The following GTF3C1 variants were observed in gnomAD, a reference collection of about 807,000 sequenced individuals.
The protein encoded by GTF3C1 is general transcription factor 3C polypeptide 1.
In GTF3C1, 57 loss-of-function variants were observed where a neutral mutation model predicts 226.7. The ratio of observed to expected loss-of-function variants is 0.25; its 90% confidence interval spans 0.20 to 0.31. The LOEUF is 0.31. Ranked by LOEUF, GTF3C1 falls within the 10% of genes least tolerant of loss-of-function variation. The pLI, the probability that GTF3C1 is intolerant of heterozygous loss-of-function variation, is 1.00. For synonymous variants in GTF3C1, 1,090 were observed against 1,084.8 expected (o/e 1.00, Z -0.09); for missense variants, 2,217 against 2,776.1 (o/e 0.80, Z 4.53).
At chr16:27,538,377 C>T (rs748407730) in intron 2 of GTF3C1, 21 bp from the exon 3 acceptor site, 2 of 1,464,060 alleles carry the variant, frequency 1.4e-6, no homozygotes, top group Admixed American at 4.8e-5. Context: ...GAAACAATCG[C>T]ATGAAGAAAT....
intron 27 of GTF3C1, among the ~76,000 whole-genome samples, chr16:27,479,530 T>C (rs1170162976): frequency 6.6e-6 from 1 of 152,196 alleles, no homozygotes; most frequent in Non-Finnish European, 1.5e-5. Flanking sequence ...AAAGAAACTT[T>C]TCAGAAAACG....
In GTF3C1 at chr16:27,461,310, G is replaced by A. The variant is rs750722305; in HGVS notation, c.*40C>T. On this transcript the variant is annotated 3_prime_UTR_variant, in exon 37 of 37. Coordinates refer to ENST00000356183, the MANE Select transcript of GTF3C1 (RefSeq NM_001520.4). This position sits in a 1 kb window ranked among gnomAD's most constrained non-coding sequence, Gnocchi z 5.3. Reference sequence around the variant, plus strand: ...CCGAGCACCAGGCAGGAGTGGTGTGGCAGGCGGTGGCTGGGAGGGAGGGGA... The same window carrying A: ...CCGAGCACCAGGCAGGAGTGGTGTGACAGGCGGTGGCTGGGAGGGAGGGGA... 7.6e-7 allele frequency: 1 copy of A among 1,318,698 alleles called. No individual in the cohort carries two copies. The highest frequency in any genetic ancestry group is 1.1e-6 in the Non-Finnish European group (1 of 926,778). 81.7% of individuals were successfully genotyped at this position (1,318,698 alleles called of 1,614,324 possible).
At chr16:27,466,628 G>A (rs965616201) in intron 32 of GTF3C1, among the ~76,000 whole-genome samples, 1 of 152,226 alleles carries the variant, frequency 6.6e-6, no homozygotes, top group African/African-American at 2.4e-5. Context: ...ATCAGGCTCT[G>A]TGAAGAAAGC....
intron 4 of GTF3C1, among the ~76,000 whole-genome samples, chr16:27,535,574 T>TAA (rs200346693): frequency 3.4e-4 from 24 of 70,586 alleles, no homozygotes; most frequent in African/African-American, 3.2e-4. Context: ...GACTGTCAAA[T>TAA]AAAAAAAAAA....
In GTF3C1 at chr16:27,507,968, C is replaced by G. The variant is rs573546300; in HGVS notation, c.1242+572G>C. 7.2e-5 allele frequency among the ~76,000 whole-genome samples: 11 copies of G among 152,240 alleles called. No individual in the cohort carries two copies. Among genetic ancestry groups the G allele is most frequent in the Non-Finnish European group, 1.6e-4 (11 of 68,042 alleles). On this transcript the variant is annotated intron_variant, in intron 8 of 36. Transcript: ENST00000356183. This position sits in a 1 kb window ranked among gnomAD's most constrained non-coding sequence, Gnocchi z 4.9. ...GAGTGGCCAGCCCCAGCTGACTGTC[C>G]CCATGTGGGAGTAGGCTCCCGGGGT...
chr16:27,461,704 G>A lies in GTF3C1; in HGVS notation c.6118-142C>T. ...GGGCACCTGAACTGGGCATGAGGCA[G>A]ATGGGGATGTACCAGGAGGGTTCAG... On this transcript the variant is annotated intron_variant, in intron 36 of 36. Coordinates refer to ENST00000356183, the MANE Select transcript of GTF3C1 (RefSeq NM_001520.4). The surrounding 1 kb of genome is among the most constrained non-coding windows in gnomAD (Gnocchi z 5.3). 1.5e-6 allele frequency: 1 copy of A among 651,788 alleles called. No homozygotes were observed. Among genetic ancestry groups the A allele is most frequent in the Non-Finnish European group, 2.7e-6 (1 of 369,134 alleles). The allele number at this position is 651,788 out of a possible 1,614,324, so 40.4% of individuals were successfully genotyped here. A position where few individuals can be genotyped will look rare whatever the true frequency, so the allele number is the denominator to read the frequency against.
rs752352892 is a variant in GTF3C1 at position 27,492,637 on chromosome 16, T to G, written c.2953A>C (p.Lys985Gln). Residue 985 changes from lysine (K) to glutamine (Q), a missense_variant, in exon 18 of 37, where the codon AAG becomes CAG. Lys to Gln is a moderately conservative substitution (Grantham distance 53, BLOSUM62 1). Coordinates refer to ENST00000356183, the MANE Select transcript of GTF3C1 (RefSeq NM_001520.4). This position sits in a 1 kb window ranked among gnomAD's most constrained non-coding sequence, Gnocchi z 5.0. ...ATTACCTGATCTTTATCCTGAAACT[T>G]TTCCGTGGGACCAAACTGTAGCAGC... ...MGLLQFGPTEKFQDKDQVFIF... is the reference protein window; with the variant it reads ...MGLLQFGPTEQFQDKDQVFIF... 5 of 1,602,324 alleles carry G rather than the reference T, an allele frequency of 3.1e-6. No individual in the cohort carries two copies. The highest frequency in any genetic ancestry group is 4.3e-6 in the Non-Finnish European group (5 of 1,169,302).
chr16:27,484,126 C>T (rs998649481), intron 25 of GTF3C1, 85 bp downstream of exon 25: 2 of 1,009,614 alleles, frequency 2.0e-6, no homozygotes, highest in African/African-American at 3.1e-5. Context: ...CCTCAGTGTG[C>T]TCCAGCCACA....
intron 6 of GTF3C1, among the ~76,000 whole-genome samples, chr16:27,514,118 T>C (rs1407847770): frequency 2.0e-5 from 3 of 152,160 alleles, no homozygotes; most frequent in African/African-American, 7.2e-5. Flanking sequence ...CCAGCAGAAG[T>C]GGTCCCCAGG....
At chr16:27,491,271 G>A (rs1410781062) in intron 19 of GTF3C1, among the ~76,000 whole-genome samples, 1 of 152,190 alleles carries the variant, frequency 6.6e-6, no homozygotes, top group Non-Finnish European at 1.5e-5. Flanking sequence ...AACTCCTCTT[G>A]GAGGTGCAAG....
chr16:27,537,464 T>C (rs2089018425), intron 4 of GTF3C1, among the ~76,000 whole-genome samples: 1 of 152,172 alleles, frequency 6.6e-6, no homozygotes, highest in Non-Finnish European at 1.5e-5. Context: ...GGCTGGAGTA[T>C]AGCAGTGCAG....
intron 5 of GTF3C1, among the ~76,000 whole-genome samples, chr16:27,530,023 C>T (rs1356387133): frequency 1.3e-5 from 2 of 152,152 alleles, no homozygotes; most frequent in Non-Finnish European, 2.9e-5. Flanking sequence ...TTTTGCAGCC[C>T]CTGGCAGGTT....
chr16:27,537,388 T>G (rs78706041), intron 4 of GTF3C1, among the ~76,000 whole-genome samples: 2 of 152,178 alleles, frequency 1.3e-5, no homozygotes, highest in Non-Finnish European at 2.9e-5. Flanking sequence ...AAAAAAGCTA[T>G]AGTCATATTC....
chr16:27,462,748 T>G lies in GTF3C1; in HGVS notation c.5925-262A>C. ...GAGGCCTCAGTGGGCCCACCCACAT[T>G]GGCAGGAGAGGGACAAGGGTTGTGA... On this transcript the variant is annotated intron_variant, in intron 35 of 36. Transcript: ENST00000356183. This position sits in a 1 kb window ranked among gnomAD's most constrained non-coding sequence, Gnocchi z 4.5. 2.2e-6 allele frequency: 1 copy of G among 460,040 alleles called. No individual in the cohort carries two copies. Among genetic ancestry groups the G allele is most frequent in the East Asian group, 3.4e-5 (1 of 29,748 alleles). 28.5% of individuals were successfully genotyped at this position (460,040 alleles called of 1,614,324 possible).
At chr16:27,531,134 C>T (rs1321396800) in intron 5 of GTF3C1, among the ~76,000 whole-genome samples, 1 of 152,166 alleles carries the variant, frequency 6.6e-6, no homozygotes, top group East Asian at 1.9e-4. Context: ...TACCACCACC[C>T]CTGGCTAATA....
intron 16 of GTF3C1, among the ~76,000 whole-genome samples, chr16:27,494,268 G>T (rs2088278215): frequency 6.6e-6 from 1 of 151,962 alleles, no homozygotes; most frequent in Non-Finnish European, 1.5e-5. Flanking sequence ...TGGCGTGGTG[G>T]TGGGTGCCTG....
At chr16:27,539,499 T>C (rs540059061) in intron 2 of GTF3C1, among the ~76,000 whole-genome samples, 13 of 152,166 alleles carry the variant, frequency 8.5e-5, no homozygotes, top group Admixed American at 7.9e-4. Flanking sequence ...TTGAGCAAAT[T>C]GACCTGCTCC....
At chr16:27,524,182 AGCCCCTCCGAAATGGGGCAGCTCCCTCT>A (rs910474415) in intron 6 of GTF3C1, among the ~76,000 whole-genome samples, 1 of 152,222 alleles carries the variant, frequency 6.6e-6, no homozygotes, top group Non-Finnish European at 1.5e-5. Context: ...GGGGAAGGTG[AGCCCCTCCGAAATGGGGCAGCTCCCTCT>A]GCCTAGCCAA....
chr16:27,484,621 G>A (rs1186542410), intron 24 of GTF3C1, among the ~76,000 whole-genome samples: 1 of 152,144 alleles, frequency 6.6e-6, no homozygotes, highest in Non-Finnish European at 1.5e-5. Flanking sequence ...GGTGCCCAAC[G>A]GGGCGGGGGG....
Sources: gnomAD v4.1 joint callset for allele counts (sites outside exome capture counted in the v4.1 genomes callset) on GRCh38, gnomAD v4.1.1 for gene constraint, Gnocchi (gnomAD v3.1) non-coding constraint, MANE v1.5 for transcripts, NCBI Gene and HGNC (gene_info 2026-07-23, HGNC 2026-07-21) for gene names.